The following MSRB3 variants were observed in gnomAD, a reference collection of about 807,000 sequenced individuals.
MSRB3 encodes the protein methionine sulfoxide reductase B3.
MSRB3 carries 13 observed loss-of-function variants against 21.0 expected under a neutral mutation model. The ratio of observed to expected loss-of-function variants is 0.62; its 90% CI spans 0.40 to 0.98. MSRB3 has a LOEUF of 0.98. Ranked by LOEUF, MSRB3 falls within the 50% of genes least tolerant of loss-of-function variation. The probability of loss-of-function intolerance (pLI) is 0.00; values close to 1 mark genes in which losing one functional copy is unlikely to be tolerated. For missense variants in MSRB3, 199 were observed against 230.3 expected (o/e 0.86, Z 0.88); for synonymous variants, 87 against 88.6 (o/e 0.98, Z 0.10).
intron 2 of MSRB3, among the ~76,000 whole-genome samples, chr12:65,310,523 CCT>C (rs942626595): frequency 1.1e-5 from 1 of 93,540 alleles, no homozygotes; most frequent in African/African-American, 2.8e-5. Context: ...ATGATGTTTT[CCT>C]CTGGAAAAAG....
intron 5 of MSRB3, among the ~76,000 whole-genome samples, chr12:65,415,163 T>C (rs1286376801): frequency 1.3e-5 from 2 of 152,000 alleles, no homozygotes; most frequent in Non-Finnish European, 2.9e-5. Context: ...AGCTGTGAGA[T>C]AGGAGGAAAT....
intron 2 of MSRB3, among the ~76,000 whole-genome samples, chr12:65,321,477 A>T (rs376496289): frequency 2.0e-5 from 3 of 152,210 alleles, no homozygotes; most frequent in South Asian, 2.1e-4. Context: ...ACTGAAGCAA[A>T]AGTGTCCTGA....
At chr12:65,433,882 A>G (rs943714567) in intron 5 of MSRB3, among the ~76,000 whole-genome samples, 3 of 151,700 alleles carry the variant, frequency 2.0e-5, no homozygotes, top group African/African-American at 7.3e-5. Context: ...GCCTCACTAG[A>G]TGTGGCAGTT....
At chr12:65,348,998 G>A (rs1335748416) in intron 4 of MSRB3, among the ~76,000 whole-genome samples, 10 of 151,964 alleles carry the variant, frequency 6.6e-5, no homozygotes, top group Non-Finnish European at 1.0e-4. Context: ...ATGCTGGTGC[G>A]CTGCACCCAC....
In MSRB3 at chr12:65,283,326, C is replaced by T. The variant is rs148269857; in HGVS notation, c.-52+4461C>T. On this transcript the variant is annotated intron_variant, in intron 1 of 6. Coordinates refer to ENST00000308259, the MANE Select transcript of MSRB3 (RefSeq NM_001031679.3). ...CCTTGTGCTTCTAAGGTGTTTTGGA[C>T]CATGGTTGGAGTACAAGTTTTACTA... Among the ~76,000 whole-genome samples, 27 of 152,264 alleles carry T rather than the reference C, an allele frequency of 1.8e-4. No homozygotes were observed. In the East Asian group the frequency reaches 4.8e-3, roughly 27 times the overall value.
chr12:65,396,413 G>A (rs927260489), intron 5 of MSRB3, among the ~76,000 whole-genome samples: 1 of 152,176 alleles, frequency 6.6e-6, no homozygotes, highest in South Asian at 2.1e-4. Context: ...TTTATGGGCT[G>A]GGTGCAGTGG....
At chr12:65,401,503 C>CT (rs1880122190) in intron 5 of MSRB3, among the ~76,000 whole-genome samples, 1 of 152,104 alleles carries the variant, frequency 6.6e-6, no homozygotes, top group South Asian at 2.1e-4. Flanking sequence ...TTATATGTGT[C>CT]TTTGCACGTG....
intron 5 of MSRB3, among the ~76,000 whole-genome samples, chr12:65,423,505 G>A (rs1881429371): frequency 6.6e-6 from 1 of 152,086 alleles, no homozygotes; most frequent in Non-Finnish European, 1.5e-5. Flanking sequence ...TTATTGTGTT[G>A]AGGCACATTC....
chr12:65,410,565 G>T (rs1880662906), intron 5 of MSRB3, among the ~76,000 whole-genome samples: 1 of 152,088 alleles, frequency 6.6e-6, no homozygotes, highest in African/African-American at 2.4e-5. Flanking sequence ...GCTTGCTGGA[G>T]CCTAGGAGGT....
intron 1 of MSRB3, among the ~76,000 whole-genome samples, chr12:65,287,124 C>T (rs1193499233): frequency 7.1e-6 from 1 of 141,210 alleles, no homozygotes; most frequent in Non-Finnish European, 1.5e-5. Context: ...TTTGTTCTTT[C>T]ATTTCTCTTT....
chr12:65,371,547 C>T (rs1414530076), intron 5 of MSRB3, among the ~76,000 whole-genome samples: 3 of 151,006 alleles, frequency 2.0e-5, no homozygotes, highest in Admixed American at 6.6e-5. Flanking sequence ...CCAGCCATAA[C>T]GGAAAGGATT....
chr12:65,435,383 GTTTA>G (rs1284398640), intron 5 of MSRB3, among the ~76,000 whole-genome samples: 2 of 151,860 alleles, frequency 1.3e-5, no homozygotes, highest in Admixed American at 6.6e-5. Context: ...CTAGTTGCTA[GTTTA>G]TTTAGCCATT....
At chr12:65,314,416 T>G (rs1874168139) in intron 2 of MSRB3, among the ~76,000 whole-genome samples, 1 of 152,118 alleles carries the variant, frequency 6.6e-6, no homozygotes, top group Non-Finnish European at 1.5e-5. Context: ...AAAATTATAT[T>G]TAAAATGTTG....
chr12:65,386,387 G>A (rs1879197267), intron 5 of MSRB3, among the ~76,000 whole-genome samples: 1 of 151,650 alleles, frequency 6.6e-6, no homozygotes, highest in Non-Finnish European at 1.5e-5. Context: ...CATGATTCTG[G>A]GATCTTTATG....
At chr12:65,454,024 C>T in intron 6 of MSRB3, 199 bp downstream of exon 6, 2 of 674,896 alleles carry the variant, frequency 3.0e-6, no homozygotes, top group Middle Eastern at 2.4e-4. Context: ...TAGCTCAAGC[C>T]TGTAATCCCA....
At chr12:65,377,048 T>A (rs1477978233) in intron 5 of MSRB3, among the ~76,000 whole-genome samples, 6 of 152,334 alleles carry the variant, frequency 3.9e-5, no homozygotes, top group African/African-American at 1.4e-4. Context: ...CTCCATCTTG[T>A]TGGCAAGGTT....
At chr12:65,332,178 G>T (rs1023053381) in intron 4 of MSRB3, among the ~76,000 whole-genome samples, 3 of 152,124 alleles carry the variant, frequency 2.0e-5, no homozygotes, top group African/African-American at 7.2e-5. Context: ...TCTTTTAGGG[G>T]TTCAGGAGCA....
At chr12:65,457,619 G>A (rs573045499) in intron 6 of MSRB3, among the ~76,000 whole-genome samples, 131 of 152,194 alleles carry the variant, frequency 8.6e-4, no homozygotes, top group African/African-American at 3.0e-3. Flanking sequence ...AAACTAAAGA[G>A]CTTTTGCACA....
At chr12:65,397,657 A>G (rs574168448) in intron 5 of MSRB3, among the ~76,000 whole-genome samples, 2 of 152,058 alleles carry the variant, frequency 1.3e-5, no homozygotes, top group African/African-American at 4.8e-5. Context: ...TGTGCAGAAC[A>G]TGCAGGTTTG....
Sources: gnomAD v4.1 joint callset for allele counts (sites outside exome capture counted in the v4.1 genomes callset) on GRCh38, gnomAD v4.1.1 for gene constraint, MANE v1.5 for transcripts, NCBI Gene and HGNC (gene_info 2026-07-23, HGNC 2026-07-21) for gene names.